The following MYH14 variants were observed in gnomAD, a reference collection of about 807,000 sequenced individuals.
MYH14 encodes myosin-14.
MYH14 carries 123 observed loss-of-function variants against 255.5 expected under a neutral mutation model. The ratio of observed to expected loss-of-function variants is 0.48; its 90% CI spans 0.42 to 0.56. The LOEUF (loss-of-function observed/expected upper bound fraction) is 0.56, where lower values mean the gene tolerates loss of function less well. MYH14 is among the 20% of genes least tolerant of loss of function. The pLI, the probability that MYH14 is intolerant of heterozygous loss-of-function variation, is 0.00. For missense variants in MYH14, 2,423 were observed against 2,802.3 expected, an observed-to-expected ratio of 0.86 and a Z score of 3.06; for synonymous variants, 1,095 against 1,161.2, an observed-to-expected ratio of 0.94 and a Z score of 1.16.
In MYH14 at chr19:50,299,440, G is replaced by C. The variant is rs1364520809; in HGVS notation, c.5470-2221G>C. On this transcript the variant is annotated intron_variant, in intron 39 of 42. Coordinates refer to ENST00000642316, the MANE Select transcript of MYH14 (RefSeq NM_001145809.2). The stretch of plus-strand genomic sequence containing the variant: ...ACAAAAATGAGCCGGACGTGGTGGT[G>C]TGTGCCTGTAGTCCCACATACTTGG... 2.0e-5 allele frequency among the ~76,000 whole-genome samples: 3 copies of C among 151,724 alleles called. No homozygotes were observed. The East Asian group carries it at 5.9e-4, about 30-fold the overall frequency.
At position 50,280,009 on chromosome 19, in the gene MYH14, G is replaced by A. The variant is rs775435558; in HGVS notation, c.4033-28G>A. 10 of 1,540,718 alleles carry A rather than the reference G, an allele frequency of 6.5e-6. No homozygotes were observed. The African/African-American group carries it at 1.4e-4, about 21-fold the overall frequency. On this transcript the variant is annotated intron_variant, in intron 30 of 42. Transcript: ENST00000642316. The surrounding 1 kb of genome is among the most constrained non-coding windows in gnomAD (Gnocchi z 4.8). ...TCACTGGGTGGAAGCCACGATTGGAGGGCTTCATTCCCGTCCCTTCCCTGC... is the reference window on the plus strand; with the variant it reads ...TCACTGGGTGGAAGCCACGATTGGAAGGCTTCATTCCCGTCCCTTCCCTGC...
intron 40 of MYH14, among the ~76,000 whole-genome samples, chr19:50,303,060 A>G (rs1444446495): frequency 6.6e-6 from 1 of 152,192 alleles, no homozygotes; most frequent in African/African-American, 2.4e-5. Flanking sequence ...ATAACGTGCC[A>G]GTTAGTTATA....
intron 3 of MYH14, among the ~76,000 whole-genome samples, chr19:50,222,273 G>T (rs2032865663): frequency 6.6e-6 from 1 of 152,018 alleles, no homozygotes; most frequent in African/African-American, 2.4e-5. Flanking sequence ...GAGGTCAGGA[G>T]ATCGAGACCA....
chr19:50,215,870 C>G (rs998068173), intron 2 of MYH14, among the ~76,000 whole-genome samples: 1 of 152,130 alleles, frequency 6.6e-6, no homozygotes, highest in Non-Finnish European at 1.5e-5. Flanking sequence ...TAGAAACCAG[C>G]TAGCTGGGTG....
At chr19:50,210,859 T>C (rs573408470) in intron 2 of MYH14, 89 bp downstream of exon 2, 26 of 1,507,846 alleles carry the variant, frequency 1.7e-5, no homozygotes, top group Middle Eastern at 3.7e-4. Context: ...TGCATTAACT[T>C]GAGGCTGTTT....
intron 11 of MYH14, among the ~76,000 whole-genome samples, chr19:50,245,427 AAAAAAGAAGAAGAAAGAAAG>A (rs201669146): frequency 0.02 from 2,762 of 136,762 alleles, 110 homozygotes; most frequent in East Asian, 0.11. Flanking sequence ...CTCCAAAAAA[AAAAAAGAAGAAGAAAGAAAG>A]AAAAAGAAGA....
chr19:50,264,085 G>C (rs4801825), intron 22 of MYH14, among the ~76,000 whole-genome samples: 3 of 47,666 alleles, frequency 6.3e-5, no homozygotes, highest in African/African-American at 2.0e-4. Flanking sequence ...AAGAGCAAAG[G>C]TTAAAAAAAA....
intron 15 of MYH14, among the ~76,000 whole-genome samples, chr19:50,251,704 A>G (rs1457798425): frequency 6.6e-6 from 1 of 151,956 alleles, no homozygotes; most frequent in Non-Finnish European, 1.5e-5. Context: ...CAGCCTCCCC[A>G]GTAGCTGGGA....
rs1480535557 is a variant in MYH14, at chr19:50,278,211, G to A, written c.3954G>A (p.Gln1318=). 2 of 1,607,742 alleles carry A rather than the reference G, an allele frequency of 1.2e-6. No individual in the cohort carries two copies. Among genetic ancestry groups the A allele is most frequent in the Non-Finnish European group, 1.7e-6 (2 of 1,177,614 alleles). Residue 1318 remains glutamine, a synonymous_variant, in exon 30 of 43, where the codon CAG becomes CAA. Coordinates refer to ENST00000642316, the MANE Select transcript of MYH14 (RefSeq NM_001145809.2). ...AGCGGAGGCGCCGCCTGGAGTTACA[G>A]CTGCAGGAGGTGCAGGGCCGGGCTG... ...GEQRRRRLEL[Q]LQEVQGRAGD... is the part of the protein sequence containing the mutation.
At position 50,255,204 on chromosome 19, in the gene MYH14, T is replaced by C. The variant is rs1253745906; in HGVS notation, c.1946-16T>C. On this transcript the variant is annotated splice_polypyrimidine_tract_variant and intron_variant, in intron 16 of 42. Coordinates refer to ENST00000642316, the MANE Select transcript of MYH14 (RefSeq NM_001145809.2). ...TCTCCCCTCCACCCACCCACACATCTGTCCTCACTCCCCAGAACATGGGGG... is the reference window on the plus strand; with the variant it reads ...TCTCCCCTCCACCCACCCACACATCCGTCCTCACTCCCCAGAACATGGGGG... The C allele has an allele frequency of 2.6e-6, 4 of 1,527,070 alleles. No homozygotes were observed. 94.6% of individuals were successfully genotyped at this position (1,527,070 alleles called of 1,614,324 possible).
rs781320826 is a variant in MYH14, at chr19:50,260,764, TGCATGA to T, written c.2424+51_2424+56del. 19 of 1,178,838 alleles carry T rather than the reference TGCATGA, an allele frequency of 1.6e-5. No individual in the cohort carries two copies. The African/African-American group carries it at 3.0e-4, about 19-fold the overall frequency. 73.0% of individuals were successfully genotyped at this position (1,178,838 alleles called of 1,614,324 possible). On this transcript the variant is annotated intron_variant, in intron 20 of 42. Coordinates refer to ENST00000642316, the MANE Select transcript of MYH14 (RefSeq NM_001145809.2). The stretch of plus-strand genomic sequence containing the variant: ...GCGTGTGTGCGTGTGTGTGTGTGCG[TGCATGA>T]GTGTGCGTGCATGTGTGTGTGCATG...
intron 11 of MYH14, among the ~76,000 whole-genome samples, chr19:50,246,434 C>T (rs898334498): frequency 1.3e-5 from 2 of 152,066 alleles, no homozygotes; most frequent in African/African-American, 4.8e-5. Flanking sequence ...GCGTGAGCCA[C>T]CGTGCCCCGC....
rs2036492234 is a variant in MYH14 at position 50,301,823 on chromosome 19, G to A, written c.5632G>A (p.Glu1878Lys). The change falls in exon 40 of 43, where the codon GAG becomes AAG. Residue 1878 changes from glutamate (E) to lysine (K), a missense_variant. Transcript: ENST00000642316. Reference sequence around the variant, plus strand: ...CCACAAGATGACCATTGCTGCCCTTGAGTCTAAGTTGGCCCAGGCTGAGGA... The same window carrying A: ...CCACAAGATGACCATTGCTGCCCTTAAGTCTAAGTTGGCCCAGGCTGAGGA... The part of the protein sequence containing the change: ...ARHKMTIAAL[E>K]SKLAQAEEQL... The A allele has an allele frequency of 3.7e-6, 6 of 1,613,840 alleles. No individual in the cohort carries two copies. The highest frequency in any genetic ancestry group is 2.2e-5 in the East Asian group (1 of 44,874).
At chr19:50,281,466 G>T (rs767236673) in intron 32 of MYH14, 128 bp from the exon 33 acceptor site, 4 of 1,363,822 alleles carry the variant, frequency 2.9e-6, no homozygotes, top group Non-Finnish European at 3.9e-6. Flanking sequence ...AGGCAGAAGA[G>T]CCCAGCAGAA....
Position 50,221,976 on chromosome 19 carries a change from T to C in MYH14, c.563-1107T>C, listed in dbSNP as rs561482488. Reference sequence around the variant, plus strand: ...TTCTTATTACCTAACACCAGGGTTTTGGAATCCTGGCTCTACTGACATTTG... The same window carrying C: ...TTCTTATTACCTAACACCAGGGTTTCGGAATCCTGGCTCTACTGACATTTG... On this transcript the variant is annotated intron_variant, in intron 3 of 42. Coordinates refer to ENST00000642316, the MANE Select transcript of MYH14 (RefSeq NM_001145809.2). This position sits in a 1 kb window ranked among gnomAD's most constrained non-coding sequence, Gnocchi z 5.3. Among the ~76,000 whole-genome samples, 65 of 152,302 alleles carry C rather than the reference T, an allele frequency of 4.3e-4. No individual in the cohort carries two copies. Among genetic ancestry groups the C allele is most frequent in the Middle Eastern group, 3.4e-3 (1 of 294 alleles).
At chr19:50,229,914 G>T (rs1237762381) in intron 8 of MYH14, among the ~76,000 whole-genome samples, 2 of 152,014 alleles carry the variant, frequency 1.3e-5, no homozygotes, top group African/African-American at 2.4e-5. Flanking sequence ...GGTCGATGAG[G>T]TTTCTTTGTT....
At chr19:50,284,085 CAAAAAACAAAA>C (rs949809990) in intron 33 of MYH14, among the ~76,000 whole-genome samples, 88 of 117,016 alleles carry the variant, frequency 7.5e-4, no homozygotes, top group Admixed American at 1.9e-3. Flanking sequence ...AAAAACAAAA[CAAAAAACAAAA>C]AAAAAACAAA....
chr19:50,293,356 G>A lies in MYH14; in HGVS notation c.5345+35G>A, dbSNP rs373183427. ...CCAAGGGTCTGAAGGCTGAGGTACT[G>A]CGTCTGCAGGAGGTGAAGCTGGGGT... On this transcript the variant is annotated intron_variant, in intron 38 of 42. Transcript: ENST00000642316. This position sits in a 1 kb window ranked among gnomAD's most constrained non-coding sequence, Gnocchi z 4.1. 6.2e-5 allele frequency: 97 copies of A among 1,556,666 alleles called. No individual in the cohort carries two copies. Among genetic ancestry groups the A allele is most frequent in the Middle Eastern group, 1.7e-4 (1 of 6,012 alleles).
intron 30 of MYH14, among the ~76,000 whole-genome samples, chr19:50,279,750 T>C (rs1358179339): frequency 6.6e-6 from 1 of 152,252 alleles, no homozygotes; most frequent in African/African-American, 2.4e-5. Context: ...TGATGGACAT[T>C]GGGGCTGTTC....
Sources: allele counts gnomAD v4.1 joint callset (sites outside exome capture counted in the v4.1 genomes callset), GRCh38; gene constraint gnomAD v4.1.1; non-coding constraint Gnocchi (gnomAD v3.1); transcripts MANE v1.5; gene names NCBI Gene and HGNC (gene_info 2026-07-23, HGNC 2026-07-21).